PEX19: variants seen among roughly 807,000 people sequenced by gnomAD.
PEX19 encodes 33 kDa housekeeping protein.
PEX19 carries 29 observed loss-of-function variants against 36.3 expected under a neutral mutation model. The observed-to-expected ratio is 0.80, with a 90% confidence interval of 0.60 to 1.09. The LOEUF (loss-of-function observed/expected upper bound fraction) is 1.09, where lower values mean the gene tolerates loss of function less well. Ranked by LOEUF, PEX19 falls within the 50% of genes least tolerant of loss-of-function variation. The pLI is 0.00. For missense variants in PEX19, 396 were observed against 368.1 expected (o/e 1.08, Z -0.62); for synonymous variants, 141 against 135.2 (o/e 1.04, Z -0.30).
intron 1 of PEX19, 139 bp downstream of exon 1, chr1:160,284,916 C>T (rs1001322198): frequency 2.5e-5 from 19 of 749,898 alleles, no homozygotes; most frequent in Non-Finnish European, 3.5e-5. Context: ...TTTTGGGGGG[C>T]TCGGGGGTCA....
intron 5 of PEX19, 60 bp downstream of exon 5, chr1:160,281,979 C>T: frequency 7.2e-7 from 1 of 1,386,840 alleles, no homozygotes; most frequent in Non-Finnish European, 1.0e-6. Context: ...GACAAAATAG[C>T]CCACATCAGT....
At chr1:160,284,977 A>G in intron 1 of PEX19, 78 bp downstream of exon 1, 1 of 1,058,142 alleles carries the variant, frequency 9.5e-7, no homozygotes, top group South Asian at 1.2e-5. Context: ...CCCGTCCCTA[A>G]TATCTCAGGT....
Position 160,278,386 on chromosome 1 carries a change from G to C in PEX19, c.*1165C>G. The stretch of plus-strand genomic sequence containing the variant: ...GAGTTGTGGAAGGTGGGTGTTGATG[G>C]AACCCAGCATTACAATATTGTGTAG... On this transcript the variant is annotated 3_prime_UTR_variant, in exon 8 of 8. Coordinates refer to ENST00000368072, the MANE Select transcript of PEX19 (RefSeq NM_002857.4). The C allele has an allele frequency of 1.5e-6, 1 of 673,288 alleles. No homozygotes were observed. The highest frequency in any genetic ancestry group is 2.9e-5 in the East Asian group (1 of 34,930). The allele number at this position is 673,288 out of a possible 1,614,324, so 41.7% of individuals were successfully genotyped here.
chr1:160,283,704 G>T, intron 1 of PEX19, 65 bp from the exon 2 acceptor site: 1 of 1,266,630 alleles, frequency 7.9e-7, no homozygotes, highest in Non-Finnish European at 1.2e-6. Context: ...AGGCTGGGTG[G>T]TTTCTGGGCA....
At chr1:160,279,703 G>A in intron 7 of PEX19, 69 bp from the exon 8 acceptor site, 1 of 1,533,048 alleles carries the variant, frequency 6.5e-7, no homozygotes, top group Non-Finnish European at 9.0e-7. Context: ...TCCATCCCCA[G>A]TAGCCACAAT....
rs748334418 is a variant in PEX19 at position 160,283,136 on chromosome 1, G to GTC, written c.181-29_181-28dup. On this transcript the variant is annotated intron_variant, in intron 2 of 7. Coordinates refer to ENST00000368072, the MANE Select transcript of PEX19 (RefSeq NM_002857.4). ...TGCGGGGGAAGGATGGCTGAAATGC[G>GTC]TCTCTTACTTAGGACTACACTGCAC... is the stretch of plus-strand genomic sequence containing the variant. The GTC allele has an allele frequency of 2.5e-6, 4 of 1,611,522 alleles. No homozygotes were observed. The South Asian group carries it at 4.4e-5, about 18-fold the overall frequency.
rs1420873939 is a variant in PEX19, at chr1:160,276,881, AAC to A, written c.*2668_*2669del. ...CACCCATACAATCACAAATTTATCT[AAC>A]ACATTTAATTTTGGAACAAAGGAGC... On this transcript the variant is annotated 3_prime_UTR_variant, in exon 8 of 8. Transcript: ENST00000368072. 2 of 434,094 alleles carry A rather than the reference AAC, an allele frequency of 4.6e-6. No individual in the cohort carries two copies. Among genetic ancestry groups the A allele is most frequent in the East Asian group, 7.1e-5 (1 of 14,128 alleles). The allele number at this position is 434,094 out of a possible 1,614,324, so 26.9% of individuals were successfully genotyped here.
chr1:160,279,445 G>T lies in PEX19; in HGVS notation c.*106C>A, dbSNP rs545079371. ...CTTGAATGGGATGACAGAGGGCAGC[G>T]GGCAGACTTCTCCCGCAGGTGACAC... is the stretch of plus-strand genomic sequence containing the variant. On this transcript the variant is annotated 3_prime_UTR_variant, in exon 8 of 8. Transcript: ENST00000368072. The T allele has an allele frequency of 3.4e-6, 3 of 892,466 alleles. No individual in the cohort carries two copies. The highest frequency in any genetic ancestry group is 5.7e-6 in the Non-Finnish European group (3 of 526,776). 55.3% of individuals were successfully genotyped at this position (892,466 alleles called of 1,614,324 possible).
chr1:160,284,981 C>T, intron 1 of PEX19, 74 bp downstream of exon 1: 1 of 1,089,208 alleles, frequency 9.2e-7, no homozygotes, highest in East Asian at 2.4e-5. Context: ...TCCCTAATAT[C>T]TCAGGTTCAC....
intron 5 of PEX19, 95 bp from the exon 6 acceptor site, chr1:160,280,341 G>A (rs952312421): frequency 1.6e-6 from 2 of 1,264,714 alleles, no homozygotes; most frequent in East Asian, 2.3e-5. Flanking sequence ...AAGGGAAAGG[G>A]ACGTAGAAAA....
At chr1:160,282,814 C>T in intron 3 of PEX19, 130 bp downstream of exon 3, 1 of 970,930 alleles carries the variant, frequency 1.0e-6, no homozygotes, top group Non-Finnish European at 1.6e-6. Flanking sequence ...TCCTTTCTCT[C>T]ATTGCCTTTA....
chr1:160,282,462 T>C lies in PEX19; in HGVS notation c.387A>G (p.Leu129=). 1.2e-6 allele frequency: 2 copies of C among 1,614,136 alleles called. No homozygotes were observed. Among genetic ancestry groups the C allele is most frequent in the Non-Finnish European group, 1.7e-6 (2 of 1,179,996 alleles). Residue 129 remains leucine, a synonymous_variant, in exon 4 of 8, where the codon CTA becomes CTG. Transcript: ENST00000368072. ...MTSQQEFTSC[L]KETLSGLAKN... is the part of the protein sequence containing the mutation. Reference sequence around the variant, plus strand: ...TGGCTAATCCACTTAGTGTTTCCTTTAGGCAAGAAGTGAATTCTTGTTGGG... The same window carrying C: ...TGGCTAATCCACTTAGTGTTTCCTTCAGGCAAGAAGTGAATTCTTGTTGGG...
Position 160,285,048 on chromosome 1 carries a change from C to G in PEX19, c.70+7G>C. 6.2e-7 allele frequency: 1 copy of G among 1,606,938 alleles called. No homozygotes were observed. The highest frequency in any genetic ancestry group is 1.3e-5 in the African/African-American group (1 of 74,904). On this transcript the variant is annotated splice_region_variant and intron_variant, in intron 1 of 7. Coordinates refer to ENST00000368072, the MANE Select transcript of PEX19 (RefSeq NM_002857.4). ...CTCTTCGGGCCTTTCCCACTATGGG[C>G]TCTTACTTTCCAGAAGCTCCTCCAA... is the stretch of plus-strand genomic sequence containing the variant.
intron 2 of PEX19, 86 bp from the exon 3 acceptor site, chr1:160,283,195 T>C: frequency 7.1e-7 from 1 of 1,411,556 alleles, no homozygotes; most frequent in Non-Finnish European, 1.0e-6. Context: ...GCAGTGGCTA[T>C]GGGAAATGCA....
In PEX19 at chr1:160,279,445, G is replaced by A. The variant is rs545079371; in HGVS notation, c.*106C>T. On this transcript the variant is annotated 3_prime_UTR_variant, in exon 8 of 8. Coordinates refer to ENST00000368072, the MANE Select transcript of PEX19 (RefSeq NM_002857.4). ...CTTGAATGGGATGACAGAGGGCAGC[G>A]GGCAGACTTCTCCCGCAGGTGACAC... 30 of 892,466 alleles carry A rather than the reference G, an allele frequency of 3.4e-5. No individual in the cohort carries two copies. Among genetic ancestry groups the A allele is most frequent in the African/African-American group, 4.9e-5 (3 of 61,330 alleles). The allele number at this position is 892,466 out of a possible 1,614,324, so 55.3% of individuals were successfully genotyped here. A position where few individuals can be genotyped will look rare whatever the true frequency, so the allele number is the denominator to read the frequency against.
chr1:160,277,913 G>T lies in PEX19; in HGVS notation c.*1638C>A. The T allele has an allele frequency of 2.9e-6, 2 of 684,336 alleles. No individual in the cohort carries two copies. The highest frequency in any genetic ancestry group is 5.3e-6 in the Non-Finnish European group (2 of 375,606). The allele number at this position is 684,336 out of a possible 1,614,324, so 42.4% of individuals were successfully genotyped here. On this transcript the variant is annotated 3_prime_UTR_variant, in exon 8 of 8. Transcript: ENST00000368072. The stretch of plus-strand genomic sequence containing the variant: ...TCTTCCATGCTCTGGTAAGGTATAG[G>T]AGTTGGAATTTCCCAAATAGCCTGA...
chr1:160,283,716 A>G, intron 1 of PEX19, 77 bp from the exon 2 acceptor site: 1 of 1,147,118 alleles, frequency 8.7e-7, no homozygotes, highest in South Asian at 1.2e-5. Context: ...TTCTGGGCAA[A>G]GCATTAGGAA....
intron 5 of PEX19, among the ~76,000 whole-genome samples, chr1:160,280,626 TC>T (rs918984812): frequency 2.0e-5 from 3 of 151,696 alleles, no homozygotes; most frequent in African/African-American, 7.3e-5. Flanking sequence ...CAAGCAATCC[TC>T]CCACCTGAGC....
intron 1 of PEX19, 78 bp downstream of exon 1, chr1:160,284,977 A>T (rs1444851687): frequency 1.9e-6 from 2 of 1,058,024 alleles, no homozygotes; most frequent in Non-Finnish European, 1.5e-6. Context: ...CCCGTCCCTA[A>T]TATCTCAGGT....
Sources: allele counts gnomAD v4.1 joint callset (sites outside exome capture counted in the v4.1 genomes callset), GRCh38; gene constraint gnomAD v4.1.1; transcripts MANE v1.5; gene names NCBI Gene and HGNC (gene_info 2026-07-23, HGNC 2026-07-21).